The following TBC1D1 variants were observed in gnomAD, a reference collection of about 807,000 sequenced individuals.
The protein encoded by TBC1D1 is TBC1 (tre-2/USP6, BUB2, cdc16) domain family, member 1.
A neutral mutation model predicts 125.6 loss-of-function variants in TBC1D1; 89 were observed. The ratio of observed to expected loss-of-function variants is 0.71; its 90% CI spans 0.60 to 0.85. The LOEUF (loss-of-function observed/expected upper bound fraction) is 0.85, where lower values mean the gene tolerates loss of function less well. Ranked by LOEUF, TBC1D1 falls within the 40% of genes least tolerant of loss-of-function variation. The probability of loss-of-function intolerance (pLI) is 0.00; values close to 1 mark genes in which losing one functional copy is unlikely to be tolerated. For synonymous variants in TBC1D1, 565 were observed against 564.1 expected (o/e 1.00, Z -0.02); for missense variants, 1,377 against 1,469.2 (o/e 0.94, Z 1.03).
At chr4:38,126,923 C>G (rs534128542) in intron 18 of TBC1D1, among the ~76,000 whole-genome samples, 23 of 152,254 alleles carry the variant, frequency 1.5e-4, no homozygotes, top group Admixed American at 3.9e-4. Flanking sequence ...CCCTATTTTA[C>G]CAGGATTCTA....
intron 2 of TBC1D1, among the ~76,000 whole-genome samples, chr4:37,923,051 C>T (rs1414641331): frequency 6.6e-6 from 1 of 151,994 alleles, no homozygotes; most frequent in Admixed American, 6.6e-5. Flanking sequence ...TGGTTTGATG[C>T]ACCCATCAAC....
Position 37,902,312 on chromosome 4 carries a change from C to G in TBC1D1, c.217C>G (p.Leu73Val). 6.2e-7 allele frequency: 1 copy of G among 1,614,128 alleles called. No homozygotes were observed. The highest frequency in any genetic ancestry group is 8.5e-7 in the Non-Finnish European group (1 of 1,180,014). Residue 73 changes from leucine (L) to valine (V), a missense_variant, in exon 2 of 20, where the codon CTG becomes GTG. Leu to Val is a conservative substitution (Grantham distance 32, BLOSUM62 1). Coordinates refer to ENST00000261439, the MANE Select transcript of TBC1D1 (RefSeq NM_015173.4). The stretch of plus-strand genomic sequence containing the variant: ...CCGGCTTTGCGTTTCACCCTCTGGA[C>G]TGAGATGTGAACCTGAGCCAGGGAG...
intron 1 of TBC1D1, among the ~76,000 whole-genome samples, chr4:37,901,578 A>G (rs1716008216): frequency 8.5e-6 from 1 of 117,882 alleles, no homozygotes; most frequent in Non-Finnish European, 1.9e-5. Context: ...AAGACATGTT[A>G]ATGGAAGGTG....
chr4:38,123,889 G>A (rs555901175), intron 17 of TBC1D1, among the ~76,000 whole-genome samples: 1 of 152,322 alleles, frequency 6.6e-6, no homozygotes, highest in South Asian at 2.1e-4. Flanking sequence ...TTGCACAGCA[G>A]CACCCAGTCT....
chr4:37,988,160 A>G (rs1183952488), intron 2 of TBC1D1, among the ~76,000 whole-genome samples: 1 of 152,266 alleles, frequency 6.6e-6, no homozygotes, highest in Non-Finnish European at 1.5e-5. Flanking sequence ...GTCTAGGAAC[A>G]GCAGGGTGTA....
intron 1 of TBC1D1, among the ~76,000 whole-genome samples, chr4:37,892,189 A>T (rs1467716661): frequency 3.9e-5 from 6 of 152,182 alleles, no homozygotes; most frequent in Non-Finnish European, 7.3e-5. Flanking sequence ...AAGAGCATTT[A>T]AAAATGACCT....
chr4:38,087,927 G>T (rs1384207602), intron 12 of TBC1D1, among the ~76,000 whole-genome samples: 2 of 148,656 alleles, frequency 1.3e-5, no homozygotes, highest in African/African-American at 5.0e-5. Context: ...CCCTTCTGTT[G>T]CCTGGGTGGG....
intron 2 of TBC1D1, among the ~76,000 whole-genome samples, chr4:37,956,724 A>T (rs1181067247): frequency 2.0e-5 from 3 of 152,094 alleles, no homozygotes; most frequent in Non-Finnish European, 4.4e-5. Flanking sequence ...AGATGGGCAG[A>T]TCACTTGAGG....
rs868280785 is a variant in TBC1D1, at chr4:38,058,706, C to T, written c.2050+4368C>T. 2.0e-5 allele frequency among the ~76,000 whole-genome samples: 3 copies of T among 152,294 alleles called. No homozygotes were observed. The South Asian group carries it at 6.2e-4, about 32-fold the overall frequency. ...CGAGGCAGGGATGTTTATACAGTTCCATCCATGTCATCCCACTTGGAAGAT... is the reference window on the plus strand; with the variant it reads ...CGAGGCAGGGATGTTTATACAGTTCTATCCATGTCATCCCACTTGGAAGAT... On this transcript the variant is annotated intron_variant, in intron 12 of 19. Transcript: ENST00000261439.
At chr4:37,970,250 G>A (rs1479745863) in intron 2 of TBC1D1, among the ~76,000 whole-genome samples, 1 of 152,226 alleles carries the variant, frequency 6.6e-6, no homozygotes, top group African/African-American at 2.4e-5. Context: ...AATTTATGCA[G>A]AGGGATTTTT....
intron 13 of TBC1D1, among the ~76,000 whole-genome samples, chr4:38,091,102 G>A (rs1042542550): frequency 7.2e-5 from 11 of 152,186 alleles, no homozygotes; most frequent in Non-Finnish European, 1.5e-5. Flanking sequence ...TGTGAGTTAT[G>A]ACAACACTGT....
In TBC1D1 at chr4:38,074,080, T is replaced by C. The variant is rs545871199; in HGVS notation, c.2051-15852T>C. On this transcript the variant is annotated intron_variant, in intron 12 of 19. Transcript: ENST00000261439. ...GCTTTTTGGCAAAGTACATGTAAAA[T>C]CCTGAAGTCACTGCCAGAGGAAACC... Among the ~76,000 whole-genome samples the C allele has an allele frequency of 3.9e-5, 6 of 152,230 alleles. No individual in the cohort carries two copies. The South Asian group carries it at 1.0e-3, about 26-fold the overall frequency.
At chr4:38,050,374 A>C (rs1477152483) in intron 11 of TBC1D1, among the ~76,000 whole-genome samples, 1 of 152,188 alleles carries the variant, frequency 6.6e-6, no homozygotes, top group Non-Finnish European at 1.5e-5. Context: ...ACCTGGACGA[A>C]TTTGCTAAAT....
intron 2 of TBC1D1, among the ~76,000 whole-genome samples, chr4:37,953,692 C>T (rs998304539): frequency 6.6e-6 from 1 of 152,040 alleles, no homozygotes; most frequent in Non-Finnish European, 1.5e-5. Flanking sequence ...TTCTACAGAA[C>T]CTTAGAGCTC....
chr4:37,904,650 C>A (rs867979085), intron 2 of TBC1D1, among the ~76,000 whole-genome samples: 2 of 152,330 alleles, frequency 1.3e-5, no homozygotes, highest in South Asian at 4.1e-4. Flanking sequence ...TGGACTTACT[C>A]TATATGCTAA....
intron 17 of TBC1D1, among the ~76,000 whole-genome samples, chr4:38,122,477 C>T (rs955719432): frequency 6.6e-6 from 1 of 152,164 alleles, no homozygotes; most frequent in African/African-American, 2.4e-5. Context: ...TGTATTGACA[C>T]CCTATTTTCC....
chr4:38,087,537 T>C (rs1757696321), intron 12 of TBC1D1, among the ~76,000 whole-genome samples: 1 of 152,012 alleles, frequency 6.6e-6, no homozygotes, highest in African/African-American at 2.4e-5. Context: ...GTTTTACTAG[T>C]AGGGTTTAAG....
chr4:37,970,427 G>A (rs1731804383), intron 2 of TBC1D1, among the ~76,000 whole-genome samples: 2 of 152,212 alleles, frequency 1.3e-5, no homozygotes, highest in African/African-American at 4.8e-5. Context: ...TGCAAGGCCT[G>A]ATTTCCAGAG....
chr4:38,067,099 T>G (rs1753878563), intron 12 of TBC1D1, among the ~76,000 whole-genome samples: 1 of 152,114 alleles, frequency 6.6e-6, no homozygotes, highest in Non-Finnish European at 1.5e-5. Context: ...ATGGTCTCTA[T>G]CTCTTGACTT....
Sources: allele counts gnomAD v4.1 joint callset (sites outside exome capture counted in the v4.1 genomes callset), GRCh38; gene constraint gnomAD v4.1.1; transcripts MANE v1.5; gene names NCBI Gene and HGNC (gene_info 2026-07-23, HGNC 2026-07-21).